The following ALAS1 variants were observed in gnomAD, a reference collection of about 807,000 sequenced individuals.
ALAS1 encodes 5'-aminolevulinate synthase 1, also known as 5-aminolevulinate synthase, non-specific, mitochondrial.
A neutral mutation model predicts 59.6 loss-of-function variants in ALAS1; 29 were observed. The ratio of observed to expected loss-of-function variants is 0.49; its 90% confidence interval spans 0.36 to 0.66. The LOEUF (loss-of-function observed/expected upper bound fraction) is 0.66. Ranked by LOEUF, ALAS1 falls within the 30% of genes least tolerant of loss-of-function variation. The pLI, the probability that ALAS1 is intolerant of heterozygous loss-of-function variation, is 0.00. For synonymous variants in ALAS1, 299 were observed against 296.6 expected, an observed-to-expected ratio of 1.01 and a Z score of -0.08; for missense variants, 690 against 807.5, an observed-to-expected ratio of 0.85 and a Z score of 1.76.
chr3:52,200,843 G>A (rs1380100692), intron 3 of ALAS1, among the ~76,000 whole-genome samples: 1 of 152,108 alleles, frequency 6.6e-6, no homozygotes, highest in Non-Finnish European at 1.5e-5. Flanking sequence ...GTTTTTCTTA[G>A]GCGTGTTCTC....
intron 2 of ALAS1, 108 bp from the exon 3 acceptor site, chr3:52,199,102 A>G: frequency 1.7e-6 from 2 of 1,144,482 alleles, no homozygotes; most frequent in East Asian, 2.6e-5. Flanking sequence ...GAGAAGTGTT[A>G]GTATTCCAGG....
intron 9 of ALAS1, 125 bp downstream of exon 9, chr3:52,208,372 C>T: frequency 9.2e-7 from 1 of 1,081,184 alleles, no homozygotes; most frequent in East Asian, 2.6e-5. Context: ...GCCACTCTTT[C>T]TTTTGGCCCA....
intron 11 of ALAS1, among the ~76,000 whole-genome samples, chr3:52,212,940 C>G (rs1026219628): frequency 8.5e-5 from 13 of 152,118 alleles, no homozygotes; most frequent in Non-Finnish European, 1.5e-4. Context: ...TTTGGGAGCT[C>G]TGAGGGAGCC....
intron 3 of ALAS1, among the ~76,000 whole-genome samples, chr3:52,201,898 C>T (rs752694769): frequency 7.9e-5 from 12 of 152,230 alleles, no homozygotes; most frequent in Middle Eastern, 3.4e-3. Context: ...TCAAGGATTC[C>T]GGGTTGTCTA....
intron 9 of ALAS1, 58 bp from the exon 10 acceptor site, chr3:52,211,225 T>G: frequency 6.3e-7 from 1 of 1,583,938 alleles, no homozygotes; most frequent in Non-Finnish European, 8.6e-7. Context: ...CACCTTGCTG[T>G]GTCCATTTAG....
intron 10 of ALAS1, 117 bp downstream of exon 10, chr3:52,211,668 GGGTT>G: frequency 7.0e-7 from 1 of 1,428,942 alleles, no homozygotes; most frequent in South Asian, 1.3e-5. Context: ...GCCAGGGCAG[GGGTT>G]GTAGCCAGCC....
intron 11 of ALAS1, 42 bp downstream of exon 11, chr3:52,212,462 C>T (rs1699431130): frequency 6.2e-7 from 1 of 1,609,678 alleles, no homozygotes; most frequent in Admixed American, 1.7e-5. Flanking sequence ...TGAGGAGTTG[C>T]ATAAAGCTGT....
chr3:52,205,768 A>G, intron 6 of ALAS1, 71 bp from the exon 7 acceptor site: 2 of 1,457,870 alleles, frequency 1.4e-6, no homozygotes, highest in Non-Finnish European at 1.9e-6. Flanking sequence ...GATCCTAGAA[A>G]GGGGAAAAAA....
chr3:52,200,387 A>G (rs964482460), intron 3 of ALAS1, among the ~76,000 whole-genome samples: 2 of 152,154 alleles, frequency 1.3e-5, no homozygotes, highest in Non-Finnish European at 2.9e-5. Flanking sequence ...GAATTTGACT[A>G]TTCTAGGTAC....
intron 3 of ALAS1, among the ~76,000 whole-genome samples, chr3:52,199,738 A>C (rs1699150179): frequency 6.6e-6 from 1 of 152,196 alleles, no homozygotes; most frequent in Non-Finnish European, 1.5e-5. Flanking sequence ...CATAAATATT[A>C]AATTGGAATG....
At position 52,211,627 on chromosome 3, in the gene ALAS1, C is replaced by A; in HGVS notation, c.1599+76C>A. On this transcript the variant is annotated intron_variant, in intron 10 of 11. Transcript: ENST00000484952. Reference sequence around the variant, plus strand: ...GATGTACGGATGTTCTGCTTCATACCTTCCTGAAGTTGGGCTTGAGCGGGG... The same window carrying A: ...GATGTACGGATGTTCTGCTTCATACATTCCTGAAGTTGGGCTTGAGCGGGG... The A allele has an allele frequency of 1.9e-6, 3 of 1,564,740 alleles. No individual in the cohort carries two copies. The Admixed American group carries it at 5.1e-5, about 27-fold the overall frequency.
At chr3:52,204,554 T>C (rs1577965284) in intron 5 of ALAS1, 139 bp from the exon 6 acceptor site, 3 of 691,924 alleles carry the variant, frequency 4.3e-6, no homozygotes, top group East Asian at 5.4e-5. Context: ...CATACAGTCT[T>C]ATTTACTTAC....
At chr3:52,203,631 C>T (rs1699235209) in intron 4 of ALAS1, among the ~76,000 whole-genome samples, 1 of 151,986 alleles carries the variant, frequency 6.6e-6, no homozygotes, top group Non-Finnish European at 1.5e-5. Flanking sequence ...AAGCTTTGGA[C>T]TTTATTGTTC....
At chr3:52,202,364 A>AC (rs1699203812) in intron 3 of ALAS1, 143 bp from the exon 4 acceptor site, 2 of 714,898 alleles carry the variant, frequency 2.8e-6, no homozygotes, top group South Asian at 3.7e-5. Flanking sequence ...ACAAAACAAA[A>AC]CAAAAAAAAC....
At chr3:52,198,148 G>C, upstream of ALAS1, 2 of 398,410 alleles carry the variant, frequency 5.0e-6, no homozygotes, top group Non-Finnish European at 8.9e-6. Context: ...AGGCGCCGGC[G>C]ATCGCGGCCT....
At chr3:52,206,167 A>C in intron 7 of ALAS1, 144 bp downstream of exon 7, 2 of 804,070 alleles carry the variant, frequency 2.5e-6, no homozygotes, top group Non-Finnish European at 1.9e-6. Flanking sequence ...TCAAGCATGA[A>C]ATGCTGACTG....
At chr3:52,210,469 T>C (rs1438707514) in intron 9 of ALAS1, among the ~76,000 whole-genome samples, 1 of 152,116 alleles carries the variant, frequency 6.6e-6, no homozygotes, top group Non-Finnish European at 1.5e-5. Context: ...TTTCCTTAGC[T>C]TTTTTACCCT....
At chr3:52,202,918 T>A (rs1474498969) in intron 4 of ALAS1, among the ~76,000 whole-genome samples, 184 bp downstream of exon 4, 1 of 152,214 alleles carries the variant, frequency 6.6e-6, no homozygotes, top group Non-Finnish European at 1.5e-5. Context: ...AGTGGGACTT[T>A]CTTTCTGGTG....
intron 7 of ALAS1, 102 bp from the exon 8 acceptor site, chr3:52,206,470 C>A: frequency 2.3e-6 from 3 of 1,318,022 alleles, no homozygotes; most frequent in East Asian, 2.3e-5. Flanking sequence ...TCCTACTAGG[C>A]ATTTTCAAAG....
Sources: gnomAD v4.1 joint callset for allele counts (sites outside exome capture counted in the v4.1 genomes callset) on GRCh38, gnomAD v4.1.1 for gene constraint, MANE v1.5 for transcripts, NCBI Gene and HGNC (gene_info 2026-07-23, HGNC 2026-07-21) for gene names.